The following NUP93 variants were observed in gnomAD, a reference collection of about 807,000 sequenced individuals.
The protein encoded by NUP93 is nuclear pore complex protein Nup93.
A neutral mutation model predicts 107.8 loss-of-function variants in NUP93; 55 were observed. The ratio of observed to expected loss-of-function variants is 0.51; its 90% confidence interval spans 0.41 to 0.64. NUP93 has a LOEUF of 0.64. Ranked by LOEUF, NUP93 falls within the 30% of genes least tolerant of loss-of-function variation. The pLI is 0.00. For synonymous variants in NUP93, 390 were observed against 397.5 expected, an observed-to-expected ratio of 0.98 and a Z score of 0.22; for missense variants, 937 against 1,044.7, an observed-to-expected ratio of 0.90 and a Z score of 1.42.
intron 3 of NUP93, among the ~76,000 whole-genome samples, chr16:56,777,694 A>G (rs1962440337): frequency 6.6e-6 from 1 of 152,192 alleles, no homozygotes; most frequent in Non-Finnish European, 1.5e-5. Flanking sequence ...CCGTGGCTGT[A>G]GTTGCATATA....
chr16:56,788,415 G>A (rs1452292665), intron 3 of NUP93, among the ~76,000 whole-genome samples: 2 of 152,246 alleles, frequency 1.3e-5, no homozygotes, highest in African/African-American at 4.8e-5. Context: ...CCCTACAAGG[G>A]TAGCATAGGG....
chr16:56,775,684 C>T (rs558963553), intron 3 of NUP93, among the ~76,000 whole-genome samples: 7 of 152,164 alleles, frequency 4.6e-5, no homozygotes, highest in South Asian at 2.1e-4. Flanking sequence ...GTGGGGAAAG[C>T]GGATTTTAAA....
chr16:56,821,818 A>G (rs1963550005), intron 7 of NUP93, among the ~76,000 whole-genome samples: 2 of 151,722 alleles, frequency 1.3e-5, no homozygotes, highest in South Asian at 4.2e-4. Flanking sequence ...GATAGTCACA[A>G]GAGTTCTCTT....
intron 3 of NUP93, among the ~76,000 whole-genome samples, chr16:56,774,682 A>C (rs754438809): frequency 3.3e-5 from 5 of 152,196 alleles, no homozygotes; most frequent in Admixed American, 6.5e-5. Context: ...GGTTGAAAAT[A>C]CATGCAGTGC....
intron 5 of NUP93, among the ~76,000 whole-genome samples, chr16:56,811,258 C>T (rs370673581): frequency 3.3e-5 from 5 of 152,186 alleles, no homozygotes; most frequent in African/African-American, 9.7e-5. Context: ...TGTTCCATAT[C>T]CTTGCCACAC....
At chr16:56,827,529 C>T (rs573148439) in intron 8 of NUP93, among the ~76,000 whole-genome samples, 3 of 152,306 alleles carry the variant, frequency 2.0e-5, no homozygotes, top group South Asian at 2.1e-4. Flanking sequence ...ATCTTTCAAG[C>T]AAGTGAATCA....
At chr16:56,741,656 G>C (rs1381855140) in intron 1 of NUP93, 2 of 151,112 alleles carry the variant, frequency 1.3e-5, no homozygotes, top group African/African-American at 4.9e-5. Context: ...GAAGATCATT[G>C]TCAGTTGTAC....
intron 5 of NUP93, among the ~76,000 whole-genome samples, chr16:56,810,379 A>G (rs965926563): frequency 6.6e-6 from 1 of 152,222 alleles, no homozygotes; most frequent in Non-Finnish European, 1.5e-5. Flanking sequence ...CTGTAATTCC[A>G]GCATTTTGGG....
At chr16:56,790,414 A>G (rs1407383544) in intron 3 of NUP93, among the ~76,000 whole-genome samples, 2 of 152,196 alleles carry the variant, frequency 1.3e-5, no homozygotes, top group East Asian at 3.9e-4. Context: ...TGCACTTGAA[A>G]AAATCCTTGA....
At chr16:56,767,579 T>C (rs780103885) in intron 3 of NUP93, among the ~76,000 whole-genome samples, 3 of 152,176 alleles carry the variant, frequency 2.0e-5, no homozygotes, top group South Asian at 2.1e-4. Flanking sequence ...AAAAAAATAG[T>C]CTATTTTAAA....
Position 56,769,733 on chromosome 16 carries a change from G to A in NUP93, c.297+11078G>A, listed in dbSNP as rs138332762. On this transcript the variant is annotated intron_variant, in intron 3 of 21. Coordinates refer to ENST00000308159, the MANE Select transcript of NUP93 (RefSeq NM_014669.5). ...GTTTTGCTTCTGAAGCTGAACTTGA[G>A]TTAGAAGCATGATGCTAGAAGCAAT... 1.3e-3 allele frequency among the ~76,000 whole-genome samples: 191 copies of A among 152,292 alleles called. 1 individual carries two copies. Among genetic ancestry groups the A allele is most frequent in the African/African-American group, 4.2e-3 (173 of 41,554 alleles).
intron 4 of NUP93, among the ~76,000 whole-genome samples, chr16:56,802,622 A>G (rs1963045599): frequency 6.6e-6 from 1 of 152,128 alleles, no homozygotes; most frequent in African/African-American, 2.4e-5. Context: ...CCTTTTTCAC[A>G]TTTTAATAAA....
At chr16:56,755,121 TC>T in intron 2 of NUP93, among the ~76,000 whole-genome samples, 1 of 152,306 alleles carries the variant, frequency 6.6e-6, no homozygotes, top group Non-Finnish European at 1.5e-5. Context: ...ACCCAGCAAT[TC>T]CACTCATAGG....
chr16:56,750,119 A>G (rs1961892109), intron 2 of NUP93, among the ~76,000 whole-genome samples: 1 of 152,228 alleles, frequency 6.6e-6, no homozygotes. Context: ...AAAAGGGAAA[A>G]TGTTTTCTTG....
rs79498260 is a variant in NUP93 at position 56,811,478 on chromosome 16, A to C, written c.489+5846A>C. Among the ~76,000 whole-genome samples, 1,049 of 152,006 alleles carry C rather than the reference A, an allele frequency of 6.9e-3. 5 individuals are homozygous for C. Among genetic ancestry groups the C allele is most frequent in the South Asian group, 0.028 (137 of 4,812 alleles). ...GTATTCAGCAGGCTTTGGGTCCCCA[A>C]GCCTGGGCTTCCTCATTATGAAATA... On this transcript the variant is annotated intron_variant, in intron 5 of 21. Transcript: ENST00000308159.
chr16:56,752,454 T>C (rs1170882936), intron 2 of NUP93, among the ~76,000 whole-genome samples: 1 of 152,140 alleles, frequency 6.6e-6, no homozygotes, highest in Non-Finnish European at 1.5e-5. Flanking sequence ...CAGGACATAT[T>C]ATTAGGTAAA....
At chr16:56,805,720 TG>T in intron 5 of NUP93, 88 bp downstream of exon 5, 16 of 1,391,762 alleles carry the variant, frequency 1.1e-5, no homozygotes, top group Non-Finnish European at 1.6e-5. Context: ...TTTGGCACAG[TG>T]GATCACTGTC....
At chr16:56,759,238 A>G (rs1275534675) in intron 3 of NUP93, among the ~76,000 whole-genome samples, 12 of 152,266 alleles carry the variant, frequency 7.9e-5, no homozygotes, top group Admixed American at 1.3e-4. Context: ...AAAATTGTTA[A>G]GGAAAAAACT....
intron 4 of NUP93, among the ~76,000 whole-genome samples, chr16:56,800,682 A>G (rs911322787): frequency 1.1e-4 from 16 of 152,254 alleles, no homozygotes; most frequent in Admixed American, 3.3e-4. Flanking sequence ...TCATGTTTGA[A>G]TAACTTGCCA....
Sources: allele counts gnomAD v4.1 joint callset (sites outside exome capture counted in the v4.1 genomes callset), GRCh38; gene constraint gnomAD v4.1.1; transcripts MANE v1.5; gene names NCBI Gene and HGNC (gene_info 2026-07-23, HGNC 2026-07-21).